The following CADPS2 variants were observed in gnomAD, a reference collection of about 807,000 sequenced individuals.
CADPS2 encodes calcium-dependent secretion activator 2.
A neutral mutation model predicts 172.5 loss-of-function variants in CADPS2; 93 were observed. That is an observed-to-expected ratio of 0.54 (90% CI 0.46 to 0.64). The LOEUF is 0.64. Ranked by LOEUF, CADPS2 falls within the 30% of genes least tolerant of loss-of-function variation. The probability of loss-of-function intolerance (pLI) is 0.00; values close to 1 mark genes in which losing one functional copy is unlikely to be tolerated. For synonymous variants in CADPS2, 546 were observed against 555.2 expected (o/e 0.98, Z 0.23); for missense variants, 1,420 against 1,565.9 (o/e 0.91, Z 1.57).
At position 122,749,857 on chromosome 7, in the gene CADPS2, T is replaced by C. The variant is rs1222740834; in HGVS notation, c.340-12789A>G. 2.0e-5 allele frequency among the ~76,000 whole-genome samples: 3 copies of C among 151,542 alleles called. No homozygotes were observed. The East Asian group carries it at 5.8e-4, about 29-fold the overall frequency. On this transcript the variant is annotated intron_variant, in intron 1 of 29. Transcript: ENST00000449022. ...GATATCTACATTAGGGTGACATAAA[T>C]ACATGCTTCAGATTTTTAATTCTAA...
At chr7:122,729,857 T>C (rs978818690) in intron 2 of CADPS2, among the ~76,000 whole-genome samples, 1 of 150,902 alleles carries the variant, frequency 6.6e-6, no homozygotes, top group Admixed American at 6.6e-5. Flanking sequence ...ACACGAGGGG[T>C]GGTAACTGGA....
rs138566705 is a variant in CADPS2, at chr7:122,823,802, T to C, written c.339+62197A>G. 3.2e-3 allele frequency among the ~76,000 whole-genome samples: 480 copies of C among 152,306 alleles called. 2 individuals carry two copies. Among genetic ancestry groups the C allele is most frequent in the African/African-American group, 0.011 (463 of 41,554 alleles). On this transcript the variant is annotated intron_variant, in intron 1 of 29. Transcript: ENST00000449022. The stretch of plus-strand genomic sequence containing the variant: ...GTATCTGGAAGTCTCTCTCCTCCAC[T>C]TGGCACCTGTTCACCCTTCTCTTCT...
intron 1 of CADPS2, among the ~76,000 whole-genome samples, chr7:122,767,285 A>G (rs1224691102): frequency 1.3e-5 from 2 of 152,136 alleles, no homozygotes; most frequent in Non-Finnish European, 2.9e-5. Flanking sequence ...TACAACTGTG[A>G]GGTCGATGTT....
chr7:122,623,705 C>T (rs2075815527), intron 4 of CADPS2, among the ~76,000 whole-genome samples: 1 of 152,130 alleles, frequency 6.6e-6, no homozygotes, highest in African/African-American at 2.4e-5. Context: ...GTTTTAACAC[C>T]TAACTTGTTT....
intron 20 of CADPS2, among the ~76,000 whole-genome samples, chr7:122,400,361 T>G (rs917589060): frequency 1.8e-4 from 27 of 151,932 alleles, no homozygotes; most frequent in Non-Finnish European, 2.9e-4. Context: ...TGCTTGAATC[T>G]GGGAGGCGGA....
At chr7:122,765,923 A>G (rs568193493) in intron 1 of CADPS2, among the ~76,000 whole-genome samples, 1 of 152,250 alleles carries the variant, frequency 6.6e-6, no homozygotes, top group East Asian at 1.9e-4. Context: ...GAAGATGAAT[A>G]GACAACGTCT....
At chr7:122,871,169 T>C (rs534261059) in intron 1 of CADPS2, among the ~76,000 whole-genome samples, 11 of 151,240 alleles carry the variant, frequency 7.3e-5, no homozygotes, top group Non-Finnish European at 1.5e-4. Context: ...AGGGGAGAGA[T>C]TGCCACAGTG....
At chr7:122,739,092 T>C (rs1294823482) in intron 1 of CADPS2, among the ~76,000 whole-genome samples, 2 of 152,098 alleles carry the variant, frequency 1.3e-5, no homozygotes, top group Non-Finnish European at 2.9e-5. Flanking sequence ...CTAGGCATGA[T>C]TCACAAAAGG....
intron 1 of CADPS2, 24 bp from the exon 2 acceptor site, chr7:122,737,092 C>G: frequency 1.5e-6 from 2 of 1,290,512 alleles, no homozygotes; most frequent in Non-Finnish European, 2.3e-6. Context: ...AGAAAATAAG[C>G]AGATAAATTG....
At chr7:122,734,687 G>T (rs562955469) in intron 2 of CADPS2, among the ~76,000 whole-genome samples, 1 of 152,110 alleles carries the variant, frequency 6.6e-6, no homozygotes, top group South Asian at 2.1e-4. Flanking sequence ...GAAAAAAATT[G>T]AGAAGCAACT....
At chr7:122,798,252 CCTT>C (rs1458989337) in intron 1 of CADPS2, among the ~76,000 whole-genome samples, 1 of 152,164 alleles carries the variant, frequency 6.6e-6, no homozygotes, top group African/African-American at 2.4e-5. Context: ...ACATCCTCCT[CCTT>C]GACCCAAACA....
intron 9 of CADPS2, 145 bp from the exon 10 acceptor site, chr7:122,491,565 C>A: frequency 1.8e-6 from 1 of 550,216 alleles, no homozygotes. Flanking sequence ...TTTTTCAAAA[C>A]CTAGCTCAGA....
intron 15 of CADPS2, among the ~76,000 whole-genome samples, chr7:122,443,110 A>G (rs917617219): frequency 1.3e-5 from 2 of 152,140 alleles, no homozygotes; most frequent in Admixed American, 1.3e-4. Flanking sequence ...GTTTATTTCC[A>G]TTAACCTGTG....
At chr7:122,591,619 G>C (rs987747946) in intron 6 of CADPS2, among the ~76,000 whole-genome samples, 1 of 152,118 alleles carries the variant, frequency 6.6e-6, no homozygotes, top group African/African-American at 2.4e-5. Context: ...AAACAGCATG[G>C]TGCTGGTACC....
chr7:122,393,486 T>C lies in CADPS2; in HGVS notation c.2843A>G (p.Gln948Arg), dbSNP rs1254991409. 1 of 1,613,784 alleles carries C rather than the reference T, an allele frequency of 6.2e-7. No homozygotes were observed. Among genetic ancestry groups the C allele is most frequent in the African/African-American group, 1.3e-5 (1 of 74,888 alleles). Residue 948 changes from glutamine to arginine, a missense_variant, in exon 21 of 30, where the codon CAG becomes CGG. Gln to Arg is a conservative substitution (Grantham distance 43). Coordinates refer to ENST00000449022, the MANE Select transcript of CADPS2 (RefSeq NM_017954.11). Reference protein sequence around the residue: ...YVDLMESSIAQSIHRGFEQET... With the variant: ...YVDLMESSIARSIHRGFEQET... Reference sequence around the variant, plus strand: ...CTGCTCAAAACCTCTGTGAATTGACTGGGCGATGGAAGACTCCATGAGATC... The same window carrying C: ...CTGCTCAAAACCTCTGTGAATTGACCGGGCGATGGAAGACTCCATGAGATC...
chr7:122,637,161 T>C (rs13229788), intron 3 of CADPS2, among the ~76,000 whole-genome samples: 5,504 of 147,356 alleles, frequency 0.037, 259 homozygotes, highest in Non-Finnish European at 0.048. Flanking sequence ...GACTGCATTA[T>C]GAAATTTTGC....
At chr7:122,656,262 C>T (rs561375866) in intron 3 of CADPS2, among the ~76,000 whole-genome samples, 2 of 152,068 alleles carry the variant, frequency 1.3e-5, no homozygotes, top group Non-Finnish European at 2.9e-5. Flanking sequence ...CCCTGTATGG[C>T]CATGGCAGAA....
intron 3 of CADPS2, among the ~76,000 whole-genome samples, chr7:122,653,051 T>C (rs2079346007): frequency 6.6e-6 from 1 of 152,120 alleles, no homozygotes; most frequent in Admixed American, 6.6e-5. Context: ...ACAAAGGATA[T>C]TACCAAACGA....
intron 13 of CADPS2, among the ~76,000 whole-genome samples, chr7:122,472,089 T>C (rs546809792): frequency 3.3e-4 from 51 of 152,322 alleles, no homozygotes; most frequent in African/African-American, 1.2e-3. Flanking sequence ...TGCTTTATAT[T>C]AGCAGTTTCT....
Sources: gnomAD v4.1 joint callset for allele counts (sites outside exome capture counted in the v4.1 genomes callset) on GRCh38, gnomAD v4.1.1 for gene constraint, MANE v1.5 for transcripts, NCBI Gene and HGNC (gene_info 2026-07-23, HGNC 2026-07-21) for gene names.